Variants in GRIP1 observed in about 807,000 individuals in gnomAD.
The protein encoded by GRIP1 is glutamate receptor-interacting protein 1.
Under a neutral mutation model 129.9 loss-of-function variants are expected in GRIP1, and 45 were observed. The ratio of observed to expected loss-of-function variants is 0.35; its 90% CI spans 0.27 to 0.44. The LOEUF is 0.44. Among genes scored for constraint, GRIP1 ranks in the 20% least tolerant of loss-of-function variants. GRIP1 has a pLI of 1.00. For missense variants in GRIP1, 1,196 were observed against 1,396.8 expected (o/e 0.86, Z 2.29); for synonymous variants, 530 against 520.8 (o/e 1.02, Z -0.24).
intron 1 of GRIP1, among the ~76,000 whole-genome samples, chr12:66,958,567 CA>C (rs1404215935): frequency 6.6e-6 from 1 of 152,142 alleles, no homozygotes; most frequent in Non-Finnish European, 1.5e-5. Flanking sequence ...TATTAGGAAC[CA>C]AAATTTGGGT....
chr12:66,815,651 C>T (rs1010815703), intron 1 of GRIP1, among the ~76,000 whole-genome samples: 1 of 151,988 alleles, frequency 6.6e-6, no homozygotes, highest in Non-Finnish European at 1.5e-5. Context: ...GTGGTTCTAG[C>T]TACTTGGGAG....
intron 1 of GRIP1, among the ~76,000 whole-genome samples, chr12:66,606,881 T>C (rs1197766705): frequency 6.6e-6 from 1 of 152,132 alleles, no homozygotes; most frequent in East Asian, 1.9e-4. Context: ...GATGAAATTA[T>C]GTGCCTAAAT....
At chr12:66,916,644 T>C (rs562265353) in intron 1 of GRIP1, among the ~76,000 whole-genome samples, 268 of 151,718 alleles carry the variant, frequency 1.8e-3, no homozygotes, top group African/African-American at 6.2e-3. Flanking sequence ...TTCCAACAGG[T>C]TTCTTAGGGG....
chr12:66,730,845 T>C (rs1280708188), intron 1 of GRIP1, among the ~76,000 whole-genome samples: 1 of 152,152 alleles, frequency 6.6e-6, no homozygotes, highest in African/African-American at 2.4e-5. Context: ...TACCTTTCTC[T>C]CTCTCTTTTT....
At position 66,689,233 on chromosome 12, in the gene GRIP1, A is replaced by G. The variant is rs2034891859; in HGVS notation, c.-419-58897T>C. ...TATAACAAAGCTTGTGTTGACAGTAATCCAAAAATTTAGCACAGTATCTGG... is the reference window on the plus strand; with the variant it reads ...TATAACAAAGCTTGTGTTGACAGTAGTCCAAAAATTTAGCACAGTATCTGG... On this transcript the variant is annotated intron_variant, in intron 1 of 4. Transcript: ENST00000538373. Among the ~76,000 whole-genome samples the G allele has an allele frequency of 3.3e-5, 5 of 152,180 alleles. No homozygotes were observed. The South Asian group carries it at 1.0e-3, about 32-fold the overall frequency.
At chr12:66,823,750 C>CACAGAGT (rs3051163) in intron 1 of GRIP1, among the ~76,000 whole-genome samples, 142,800 of 151,892 alleles carry the variant, frequency 0.94, 67,761 homozygotes, top group East Asian at 1. Context: ...TTACACCACT[C>CACAGAGT]ACAGAATTCA....
intron 1 of GRIP1, among the ~76,000 whole-genome samples, chr12:67,066,247 T>C (rs542889063): frequency 1.3e-5 from 2 of 152,216 alleles, no homozygotes; most frequent in Non-Finnish European, 2.9e-5. Context: ...AAGCCTCTTT[T>C]TGTATGCGGC....
chr12:66,373,451 T>C lies in GRIP1; in HGVS notation c.2779-1524A>G, dbSNP rs149185884. Among the ~76,000 whole-genome samples the C allele has an allele frequency of 1.9e-3, 284 of 152,266 alleles. 2 individuals carry two copies. The highest frequency in any genetic ancestry group is 6.5e-3 in the African/African-American group (271 of 41,550). ...AGAGGCTGACTCACCCAAGGTCACA[T>C]TGGTAGTAAATGAGCCGAGGGCACT... On this transcript the variant is annotated intron_variant, in intron 22 of 24. Coordinates refer to ENST00000359742, the MANE Select transcript of GRIP1 (RefSeq NM_001366722.1).
intron 1 of GRIP1, among the ~76,000 whole-genome samples, chr12:66,707,387 T>A (rs74098239): frequency 1.3e-5 from 2 of 150,296 alleles, no homozygotes; most frequent in Non-Finnish European, 2.9e-5. Flanking sequence ...GCAACATGAA[T>A]AAAACGTTGC....
Position 66,678,959 on chromosome 12 carries a change from C to G in GRIP1, c.-55G>C, listed in dbSNP as rs1414171741. 1.2e-6 allele frequency: 2 copies of G among 1,612,174 alleles called. No individual in the cohort carries two copies. The highest frequency in any genetic ancestry group is 2.7e-5 in the African/African-American group (2 of 74,840). ...TACTCAAGGCTCTCTGCTCTGGTGG[C>G]TGCAGCAGCAGCAGCATATGAATTC... On this transcript the variant is annotated 5_prime_UTR_variant, in exon 1 of 25. Coordinates refer to ENST00000359742, the MANE Select transcript of GRIP1 (RefSeq NM_001366722.1).
chr12:66,408,084 G>GA (rs2057260955), intron 15 of GRIP1, among the ~76,000 whole-genome samples: 1 of 152,188 alleles, frequency 6.6e-6, no homozygotes, highest in South Asian at 2.1e-4. Flanking sequence ...AACATTTCTA[G>GA]ACACACCCAG....
intron 7 of GRIP1, among the ~76,000 whole-genome samples, chr12:66,476,039 A>T (rs141968036): frequency 0.014 from 2,067 of 152,290 alleles, 54 homozygotes; most frequent in African/African-American, 0.047. Flanking sequence ...TGAAGGGGAT[A>T]GAGACACAAA....
intron 1 of GRIP1, among the ~76,000 whole-genome samples, chr12:66,973,901 A>G (rs2042112063): frequency 6.8e-6 from 1 of 147,118 alleles, no homozygotes; most frequent in Non-Finnish European, 1.5e-5. Flanking sequence ...CACAGTTAGA[A>G]GGCTTTTCTT....
intron 1 of GRIP1, among the ~76,000 whole-genome samples, chr12:66,718,215 A>ACTCTAAGTCACCACTGG (rs1366160431): frequency 6.6e-6 from 1 of 151,804 alleles, no homozygotes; most frequent in Non-Finnish European, 1.5e-5. Flanking sequence ...TGTCCTGCTG[A>ACTCTAAGTCACCACTGG]CTCTAAGTCA....
chr12:66,858,256 A>G (rs1442388154), intron 1 of GRIP1, among the ~76,000 whole-genome samples: 2 of 151,878 alleles, frequency 1.3e-5, no homozygotes, highest in South Asian at 2.1e-4. Context: ...CTTTACTAAA[A>G]CAACGCTATA....
intron 1 of GRIP1, among the ~76,000 whole-genome samples, chr12:66,647,136 GT>G: frequency 6.6e-6 from 1 of 152,142 alleles, no homozygotes; most frequent in African/African-American, 2.4e-5. Context: ...TATGAGTGCA[GT>G]AACTGCCCAG....
chr12:66,549,779 A>C (rs949889736), intron 2 of GRIP1, among the ~76,000 whole-genome samples: 1 of 152,198 alleles, frequency 6.6e-6, no homozygotes, highest in Non-Finnish European at 1.5e-5. Flanking sequence ...GATGTACAGC[A>C]CATAAATATT....
At position 67,011,229 on chromosome 12, in the gene GRIP1, C is replaced by G. The variant is rs554537814; in HGVS notation, c.58+57821G>C. 8.3e-4 allele frequency among the ~76,000 whole-genome samples: 127 copies of G among 152,250 alleles called. 4 individuals carry two copies. The South Asian group carries it at 0.026, about 31-fold the overall frequency. On this transcript the variant is annotated intron_variant, in intron 1 of 1. Transcript: ENST00000643019. ...TCTCATAAACGACATCTCCATTCAC[C>G]CCACTGCTTAAACTAGATGACTGGT... is the stretch of plus-strand genomic sequence containing the variant.
chr12:66,570,571 C>A (rs1490616428), intron 2 of GRIP1, among the ~76,000 whole-genome samples: 1 of 152,096 alleles, frequency 6.6e-6, no homozygotes, highest in Non-Finnish European at 1.5e-5. Flanking sequence ...GAACCCCTGT[C>A]ACACTTGTAT....
Sources: gnomAD v4.1 joint callset for allele counts (sites outside exome capture counted in the v4.1 genomes callset) on GRCh38, gnomAD v4.1.1 for gene constraint, MANE v1.5 for transcripts, NCBI Gene and HGNC (gene_info 2026-07-23, HGNC 2026-07-21) for gene names.